CREB3L2: variants seen among roughly 807,000 people sequenced by gnomAD.
CREB3L2 encodes cyclic AMP-responsive element-binding protein 3-like protein 2.
In CREB3L2, 23 loss-of-function variants were observed where a neutral mutation model predicts 57.2. That is an observed-to-expected ratio of 0.40 (90% CI 0.29 to 0.57). CREB3L2 has a LOEUF of 0.57. CREB3L2 is among the 20% of genes least tolerant of loss of function. The pLI is 0.42. For missense variants in CREB3L2, 628 were observed against 634.7 expected, an observed-to-expected ratio of 0.99 and a Z score of 0.11; for synonymous variants, 268 against 265.1, an observed-to-expected ratio of 1.01 and a Z score of -0.11.
chr7:137,886,752 C>T (rs180722561), intron 8 of CREB3L2, among the ~76,000 whole-genome samples: 3 of 151,626 alleles, frequency 2.0e-5, no homozygotes, highest in Admixed American at 6.6e-5. Flanking sequence ...CGTTTTATCC[C>T]TAAAATTGGA....
At chr7:137,952,998 G>A (rs550697999) in intron 1 of CREB3L2, among the ~76,000 whole-genome samples, 4 of 152,184 alleles carry the variant, frequency 2.6e-5, no homozygotes, top group South Asian at 4.1e-4. Context: ...TGTATTTTTC[G>A]TAGAGACAGG....
chr7:137,952,205 A>G (rs919097818), intron 1 of CREB3L2, among the ~76,000 whole-genome samples: 2 of 152,124 alleles, frequency 1.3e-5, no homozygotes, highest in African/African-American at 4.8e-5. Context: ...GCAGCCCTAC[A>G]AAAAGGTAAT....
In CREB3L2 at chr7:137,980,292, C is replaced by T. The variant is rs1425909891; in HGVS notation, c.102+21312G>A. On this transcript the variant is annotated intron_variant, in intron 1 of 11. Transcript: ENST00000330387. The surrounding 1 kb of genome is among the most constrained non-coding windows in gnomAD (Gnocchi z 4.3). ...ACCAATTAAATCAGAATCTCTTGGGCTGGGACCCAGGCATCAAAGTTGTTT... is the reference window on the plus strand; with the variant it reads ...ACCAATTAAATCAGAATCTCTTGGGTTGGGACCCAGGCATCAAAGTTGTTT... Among the ~76,000 whole-genome samples, 3 of 152,192 alleles carry T rather than the reference C, an allele frequency of 2.0e-5. No individual in the cohort carries two copies. The highest frequency in any genetic ancestry group is 4.4e-5 in the Non-Finnish European group (3 of 68,034).
rs1472588711 is a variant in CREB3L2, at chr7:137,875,379, T to C, written c.*5097A>G. ...TGTTTTATCTGAAAAGGTGATTTTC[T>C]AAGTAGTGTAAGCCATGGGTACATG... On this transcript the variant is annotated 3_prime_UTR_variant, in exon 12 of 12. Coordinates refer to ENST00000330387, the MANE Select transcript of CREB3L2 (RefSeq NM_194071.4). 1 of 219,554 alleles carries C rather than the reference T, an allele frequency of 4.6e-6. No individual in the cohort carries two copies. Among genetic ancestry groups the C allele is most frequent in the Non-Finnish European group, 9.1e-6 (1 of 109,560 alleles). 13.6% of individuals were successfully genotyped at this position (219,554 alleles called of 1,614,324 possible). A position where few individuals can be genotyped will look rare whatever the true frequency, so the allele number is the denominator to read the frequency against.
intron 6 of CREB3L2, among the ~76,000 whole-genome samples, chr7:137,904,910 TGTG>T (rs2117204699): frequency 6.6e-6 from 1 of 151,652 alleles, no homozygotes; most frequent in African/African-American, 2.4e-5. Context: ...GGCCAGAACA[TGTG>T]GCTCACAAAC....
At chr7:137,983,278 C>T (rs1040522667) in intron 1 of CREB3L2, among the ~76,000 whole-genome samples, 1 of 152,280 alleles carries the variant, frequency 6.6e-6, no homozygotes, top group African/African-American at 2.4e-5. Context: ...ACTGAGGAGG[C>T]TGGCTGGGCC....
At chr7:137,962,592 C>T (rs997912321) in intron 1 of CREB3L2, among the ~76,000 whole-genome samples, 2 of 152,072 alleles carry the variant, frequency 1.3e-5, no homozygotes, top group Admixed American at 6.5e-5. Flanking sequence ...AATATCACAA[C>T]ATCAGGCAGG....
Position 137,875,102 on chromosome 7 carries a change from A to G in CREB3L2, c.*5374T>C, listed in dbSNP as rs976080458. The stretch of plus-strand genomic sequence containing the variant: ...TACAAAGCTTTTTTTTTTTTTTGGT[A>G]TTTACTTAGCTATGATAAAGAATAA... On this transcript the variant is annotated 3_prime_UTR_variant, in exon 12 of 12. Coordinates refer to ENST00000330387, the MANE Select transcript of CREB3L2 (RefSeq NM_194071.4). 1 of 174,476 alleles carries G rather than the reference A, an allele frequency of 5.7e-6. No individual in the cohort carries two copies. Among genetic ancestry groups the G allele is most frequent in the Non-Finnish European group, 1.2e-5 (1 of 85,478 alleles). 10.8% of individuals were successfully genotyped at this position (174,476 alleles called of 1,614,324 possible). A position where few individuals can be genotyped will look rare whatever the true frequency, so the allele number is the denominator to read the frequency against.
chr7:137,989,508 G>A (rs1458843704), intron 1 of CREB3L2, among the ~76,000 whole-genome samples: 1 of 140,558 alleles, frequency 7.1e-6, no homozygotes, highest in African/African-American at 2.6e-5. Context: ...TCCTTCTGGT[G>A]CCCCCAGGGC....
intron 1 of CREB3L2, among the ~76,000 whole-genome samples, chr7:137,993,232 T>C (rs755755664): frequency 1.3e-5 from 2 of 152,126 alleles, no homozygotes; most frequent in Non-Finnish European, 2.9e-5. Flanking sequence ...GGCAGTGACA[T>C]GCAAAGAAAC....
In CREB3L2 at chr7:137,878,765, T is replaced by C. The variant is rs896079482; in HGVS notation, c.*1711A>G. ...ACTCACAGGGAGCCCCAAATGGGCC[T>C]AGACAGACAAGGCAGGGACCGACTT... is the stretch of plus-strand genomic sequence containing the variant. On this transcript the variant is annotated 3_prime_UTR_variant, in exon 12 of 12. Coordinates refer to ENST00000330387, the MANE Select transcript of CREB3L2 (RefSeq NM_194071.4). The C allele has an allele frequency of 8.1e-6, 2 of 245,906 alleles. No homozygotes were observed. Among genetic ancestry groups the C allele is most frequent in the Non-Finnish European group, 1.6e-5 (2 of 126,452 alleles). 15.2% of individuals were successfully genotyped at this position (245,906 alleles called of 1,614,324 possible).
chr7:137,940,693 C>T (rs970233800), intron 1 of CREB3L2, among the ~76,000 whole-genome samples: 6 of 152,180 alleles, frequency 3.9e-5, no homozygotes, highest in Non-Finnish European at 7.3e-5. Context: ...AAGTCAAGAT[C>T]TAATGCCAAA....
At chr7:137,905,574 G>T in intron 6 of CREB3L2, 128 bp downstream of exon 6, 1 of 999,558 alleles carries the variant, frequency 1.0e-6, no homozygotes, top group Non-Finnish European at 1.6e-6. Context: ...GCTTAGGGAA[G>T]GGAAGGGCTG....
intron 1 of CREB3L2, chr7:137,953,617 T>C (rs1247115303): frequency 3.2e-6 from 3 of 924,182 alleles, no homozygotes; most frequent in Non-Finnish European, 4.6e-6. Flanking sequence ...TGTTGGAAAG[T>C]CCTTGTTTCA....
chr7:137,994,770 C>T (rs1300523458), intron 1 of CREB3L2, among the ~76,000 whole-genome samples: 1 of 152,134 alleles, frequency 6.6e-6, no homozygotes, highest in African/African-American at 2.4e-5. Flanking sequence ...CATAAGGAGA[C>T]CCTGTCTCTA....
chr7:137,931,763 CA>C (rs1270644996), intron 1 of CREB3L2, among the ~76,000 whole-genome samples: 2 of 151,184 alleles, frequency 1.3e-5, no homozygotes, highest in African/African-American at 4.9e-5. Flanking sequence ...ACCTAGAAGG[CA>C]GAGGTTGCAG....
At chr7:137,956,716 G>T in intron 1 of CREB3L2, 1 of 1,099,820 alleles carries the variant, frequency 9.1e-7, no homozygotes, top group Non-Finnish European at 1.2e-6. Flanking sequence ...TCACAATCCA[G>T]GTTCTGAATT....
Position 137,936,134 on chromosome 7 carries a change from A to G in CREB3L2, c.103-7768T>C, listed in dbSNP as rs979767150. Among the ~76,000 whole-genome samples the G allele has an allele frequency of 2.0e-5, 3 of 152,232 alleles. No homozygotes were observed. The South Asian group carries it at 6.2e-4, about 32-fold the overall frequency. On this transcript the variant is annotated intron_variant, in intron 1 of 11. Coordinates refer to ENST00000330387, the MANE Select transcript of CREB3L2 (RefSeq NM_194071.4). ...CTCCACTAAGGTTCGCCCACTCAAC[A>G]AATACAGTGGGAGCATGGGCAGAAA...
intron 10 of CREB3L2, 125 bp downstream of exon 10, chr7:137,884,870 G>A (rs1471143078): frequency 7.3e-7 from 1 of 1,375,092 alleles, no homozygotes; most frequent in South Asian, 1.2e-5. Flanking sequence ...TTCAAAGGGA[G>A]AAGCTCCACT....
Sources: gnomAD v4.1 joint callset for allele counts (sites outside exome capture counted in the v4.1 genomes callset) on GRCh38, gnomAD v4.1.1 for gene constraint, Gnocchi (gnomAD v3.1) non-coding constraint, MANE v1.5 for transcripts, NCBI Gene and HGNC (gene_info 2026-07-23, HGNC 2026-07-21) for gene names.